KDR: variants seen among roughly 807,000 people sequenced by gnomAD.
The protein encoded by KDR is vascular endothelial growth factor receptor 2.
In KDR, 43 loss-of-function variants were observed where a neutral mutation model predicts 160.9. That is an observed-to-expected ratio of 0.27 (90% CI 0.21 to 0.34). The LOEUF (loss-of-function observed/expected upper bound fraction) is 0.34, where lower values mean the gene tolerates loss of function less well. KDR is among the 10% of genes least tolerant of loss of function. The pLI, the probability that KDR is intolerant of heterozygous loss-of-function variation, is 1.00. For synonymous variants in KDR, 617 were observed against 600.1 expected, an observed-to-expected ratio of 1.03 and a Z score of -0.41; for missense variants, 1,469 against 1,666.4, an observed-to-expected ratio of 0.88 and a Z score of 2.06.
In KDR at chr4:55,079,633, C is replaced by G; in HGVS notation, c.*308G>C. On this transcript the variant is annotated 3_prime_UTR_variant, in exon 30 of 30. Coordinates refer to ENST00000263923, the MANE Select transcript of KDR (RefSeq NM_002253.4). Reference sequence around the variant, plus strand: ...ACTGCTACTTCTTTGAGGATGGGGCCATTTCTTGAACGTCTTTGTTCTAAA... The same window carrying G: ...ACTGCTACTTCTTTGAGGATGGGGCGATTTCTTGAACGTCTTTGTTCTAAA... 2.2e-6 allele frequency: 1 copy of G among 451,168 alleles called. No homozygotes were observed. The highest frequency in any genetic ancestry group is 4.1e-6 in the Non-Finnish European group (1 of 244,652). 27.9% of individuals were successfully genotyped at this position (451,168 alleles called of 1,614,324 possible).
At position 55,106,806 on chromosome 4, in the gene KDR, C is replaced by G; in HGVS notation, c.1417G>C (p.Ala473Pro). Reference sequence around the variant, plus strand: ...GGGTATGGGTTTGTCACTGAGACAGCTTGGCTATAAGAAAGAGATAACAGC... The same window carrying G: ...GGGTATGGGTTTGTCACTGAGACAGGTTGGCTATAAGAAAGAGATAACAGC... ...EEECANEPSQ[A>P]VSVTNPYPCE... Residue 473 changes from alanine (A) to proline (P), a missense_variant, in exon 11 of 30, where the codon GCT (alanine) becomes CCT (proline). Coordinates refer to ENST00000263923, the MANE Select transcript of KDR (RefSeq NM_002253.4). 1 of 1,608,112 alleles carries G rather than the reference C, an allele frequency of 6.2e-7. No individual in the cohort carries two copies. The highest frequency in any genetic ancestry group is 8.5e-7 in the Non-Finnish European group (1 of 1,174,602).
At chr4:55,084,301 A>G (rs1162060267) in intron 27 of KDR, among the ~76,000 whole-genome samples, 2 of 152,212 alleles carry the variant, frequency 1.3e-5, no homozygotes, top group African/African-American at 4.8e-5. Context: ...AAGACCCAAG[A>G]GACAAATACT....
rs764514760 is a variant in KDR at position 55,087,573 on chromosome 4, C to G, written c.3662+34G>C. ...CCTCCCGAGATGGCCTTGAAGTCAC[C>G]CTCCCCCGGGGGATGTTAGGCCATA... On this transcript the variant is annotated intron_variant, in intron 27 of 29. Transcript: ENST00000263923. 27 of 1,610,012 alleles carry G rather than the reference C, an allele frequency of 1.7e-5. No individual in the cohort carries two copies. The East Asian group carries it at 5.6e-4, about 33-fold the overall frequency.
chr4:55,102,592 A>G, intron 13 of KDR, 84 bp from the exon 14 acceptor site: 2 of 1,451,208 alleles, frequency 1.4e-6, no homozygotes, highest in Non-Finnish European at 1.9e-6. Flanking sequence ...TAAACAGTTT[A>G]AATTTAGTAA....
intron 21 of KDR, among the ~76,000 whole-genome samples, chr4:55,093,832 TAC>T: frequency 6.6e-6 from 1 of 152,244 alleles, no homozygotes; most frequent in East Asian, 1.9e-4. Context: ...GAGGCAGAAA[TAC>T]AGTGTGTCCT....
intron 26 of KDR, 78 bp downstream of exon 26, chr4:55,088,790 T>G: frequency 8.8e-6 from 8 of 911,200 alleles, no homozygotes; most frequent in Non-Finnish European, 1.5e-5. Flanking sequence ...ATGGTAGCCA[T>G]GAGACAGTTC....
Position 55,114,253 on chromosome 4 carries a change from T to C in KDR, c.671A>G (p.Tyr224Cys), listed in dbSNP as rs78036574. ...ATGAGACGGACTCAGAACCACATCA[T>C]AAATCCTATACCCTAGAGCAAGTAA... is the stretch of plus-strand genomic sequence containing the variant. ...YIVVVVGYRI[Y>C]DVVLSPSHGI... The change falls in exon 6 of 30, where the codon TAT (tyrosine) becomes TGT (cysteine). Residue 224 changes from tyrosine to cysteine, a missense_variant. Transcript: ENST00000263923. The C allele has an allele frequency of 5.0e-6, 8 of 1,613,740 alleles. No individual in the cohort carries two copies. The highest frequency in any genetic ancestry group is 6.8e-6 in the Non-Finnish European group (8 of 1,179,874).
Position 55,113,470 on chromosome 4 carries a change from C to G in KDR, c.810G>C (p.Lys270Asn). The G allele has an allele frequency of 6.2e-7, 1 of 1,613,958 alleles. No individual in the cohort carries two copies. The highest frequency in any genetic ancestry group is 8.5e-7 in the Non-Finnish European group (1 of 1,179,880). Reference protein sequence around the residue: ...WEYPSSKHQHKKLVNRDLKTQ... With the variant: ...WEYPSSKHQHNKLVNRDLKTQ... ...TTTTTAGGTCTCGGTTTACAAGTTTCTTATGCTGATGCTGAAAAAAAGAGT... is the reference window on the plus strand; with the variant it reads ...TTTTTAGGTCTCGGTTTACAAGTTTGTTATGCTGATGCTGAAAAAAAGAGT... The change falls in exon 7 of 30, where the codon AAG (lysine) becomes AAC (asparagine). Residue 270 changes from lysine (K) to asparagine (N), a missense_variant. Transcript: ENST00000263923.
Position 55,078,793 on chromosome 4 carries a change from A to G in KDR, c.*1148T>C, listed in dbSNP as rs1348481888. On this transcript the variant is annotated 3_prime_UTR_variant, in exon 30 of 30. Coordinates refer to ENST00000263923, the MANE Select transcript of KDR (RefSeq NM_002253.4). ...TCTATATGTTAAAAGTCTAAATAAT[A>G]CAATAGATGTTATAATTTGGGCTAT... 2 of 232,972 alleles carry G rather than the reference A, an allele frequency of 8.6e-6. No individual in the cohort carries two copies. The highest frequency in any genetic ancestry group is 1.7e-5 in the Non-Finnish European group (2 of 117,930). 14.4% of individuals were successfully genotyped at this position (232,972 alleles called of 1,614,324 possible). A position where few individuals can be genotyped will look rare whatever the true frequency, so the allele number is the denominator to read the frequency against.
rs1418767966 is a variant in KDR at position 55,115,285 on chromosome 4, C to A, written c.485G>T (p.Cys162Phe). The A allele has an allele frequency of 8.7e-6, 14 of 1,607,374 alleles. No homozygotes were observed. Among genetic ancestry groups the A allele is most frequent in the Non-Finnish European group, 1.1e-5 (13 of 1,175,300 alleles). ...GSISNLNVSL[C>F]ARYPEKRFVP... is the part of the protein sequence containing the mutation. ...ATTGGAGGAGATGCAACTTACTGCA[C>A]AAAGTGACACGTTGAGATTTGAAAT... The change falls in exon 4 of 30, where the codon TGT becomes TTT. Residue 162 changes from cysteine (C) to phenylalanine (F), a missense_variant. Coordinates refer to ENST00000263923, the MANE Select transcript of KDR (RefSeq NM_002253.4).
chr4:55,124,947 A>T (rs1454253478), intron 1 of KDR, among the ~76,000 whole-genome samples: 1 of 152,124 alleles, frequency 6.6e-6, no homozygotes, highest in Non-Finnish European at 1.5e-5. Flanking sequence ...CAAGAGCCTG[A>T]GGGTGTGTCG....
chr4:55,113,544 G>A, intron 6 of KDR, 63 bp from the exon 7 acceptor site: 1 of 1,412,932 alleles, frequency 7.1e-7, no homozygotes. Flanking sequence ...ATAACTTCTA[G>A]TAACACACAG....
At chr4:55,111,562 C>G (rs1397960268) in intron 7 of KDR, among the ~76,000 whole-genome samples, 2 of 152,190 alleles carry the variant, frequency 1.3e-5, no homozygotes, top group Non-Finnish European at 2.9e-5. Flanking sequence ...TCAACTCTCA[C>G]TTGGATAACT....
intron 12 of KDR, 56 bp downstream of exon 12, chr4:55,105,776 G>C: frequency 9.6e-7 from 1 of 1,039,514 alleles, no homozygotes; most frequent in South Asian, 1.3e-5. Flanking sequence ...GAATTACATA[G>C]CTTAGTACCC....
In KDR at chr4:55,092,611, T is replaced by C. The variant is rs921819955; in HGVS notation, c.3069+6A>G. The C allele has an allele frequency of 3.1e-6, 5 of 1,602,634 alleles. No individual in the cohort carries two copies. In the African/African-American group the frequency reaches 4.0e-5, roughly 13 times the overall value. On this transcript the variant is annotated splice_donor_region_variant and intron_variant, in intron 22 of 29. Coordinates refer to ENST00000263923, the MANE Select transcript of KDR (RefSeq NM_002253.4). ...AGATAGCTGATTTCCCCTCAACCTT[T>C]CTTACCTTTCGCGATGCCAAGAACT...
intron 1 of KDR, among the ~76,000 whole-genome samples, chr4:55,124,055 A>G (rs1174797009): frequency 2.6e-5 from 4 of 152,214 alleles, no homozygotes; most frequent in Non-Finnish European, 5.9e-5. Flanking sequence ...TCTGGGACAA[A>G]TGAGTGTCCA....
chr4:55,125,085 C>T, intron 1 of KDR, 142 bp downstream of exon 1: 1 of 805,168 alleles, frequency 1.2e-6, no homozygotes, highest in Non-Finnish European at 2.1e-6. Context: ...GCCTCAGTTT[C>T]CCCACTGGTA....
At chr4:55,122,188 T>C (rs1720897930) in intron 1 of KDR, among the ~76,000 whole-genome samples, 1 of 152,176 alleles carries the variant, frequency 6.6e-6, no homozygotes, top group Non-Finnish European at 1.5e-5. Flanking sequence ...TACCATGGCA[T>C]AGATTCCTCA....
At chr4:55,108,161 G>GACC (rs1720489676) in intron 9 of KDR, among the ~76,000 whole-genome samples, 1 of 141,816 alleles carries the variant, frequency 7.1e-6, no homozygotes, top group Non-Finnish European at 1.5e-5. Flanking sequence ...AGGAGATCAA[G>GACC]ACCAGCCTGG....
Sources: gnomAD v4.1 joint callset for allele counts (sites outside exome capture counted in the v4.1 genomes callset) on GRCh38, gnomAD v4.1.1 for gene constraint, MANE v1.5 for transcripts, NCBI Gene and HGNC (gene_info 2026-07-23, HGNC 2026-07-21) for gene names.